METTL27: variants seen among roughly 807,000 people sequenced by gnomAD.
METTL27 encodes the protein methyltransferase-like protein 27.
METTL27 carries 29 observed loss-of-function variants against 24.5 expected under a neutral mutation model. That is an observed-to-expected ratio of 1.18 (90% CI 0.88 to 1.61). The LOEUF is 1.61. Among genes scored for constraint, METTL27 ranks in the 40% most tolerant of loss-of-function variants. The pLI is 0.00. For missense variants in METTL27, 341 were observed against 324.3 expected, an observed-to-expected ratio of 1.05 and a Z score of -0.40; for synonymous variants, 138 against 146.8, an observed-to-expected ratio of 0.94 and a Z score of 0.43.
At chr7:73,840,685 G>T (rs1400386340) in intron 3 of METTL27, 136 bp from the exon 4 acceptor site, 1 of 1,263,404 alleles carries the variant, frequency 7.9e-7, no homozygotes. Context: ...TTGAGACAAG[G>T]TCTCTCTCTG....
In METTL27 at chr7:73,834,729, C is replaced by G; in HGVS notation, c.*14G>C. On this transcript the variant is annotated 3_prime_UTR_variant, in exon 6 of 6. Transcript: ENST00000297873. ...CATGGAGTCAGGGGCCAGCTGGGGGCTGGGGGCTGGATCTCACTTCCTCAA... is the reference window on the plus strand; with the variant it reads ...CATGGAGTCAGGGGCCAGCTGGGGGGTGGGGGCTGGATCTCACTTCCTCAA... 6.2e-7 allele frequency: 1 copy of G among 1,609,228 alleles called. No individual in the cohort carries two copies. The highest frequency in any genetic ancestry group is 8.5e-7 in the Non-Finnish European group (1 of 1,177,426).
chr7:73,840,355 G>A, intron 4 of METTL27, 59 bp downstream of exon 4: 1 of 1,547,836 alleles, frequency 6.5e-7, no homozygotes, highest in Non-Finnish European at 8.7e-7. Context: ...TGGAGGATCA[G>A]CAAGGGAAAG....
At chr7:73,837,275 T>C (rs1342489057) in intron 5 of METTL27, among the ~76,000 whole-genome samples, 1 of 101,410 alleles carries the variant, frequency 9.9e-6, no homozygotes, top group African/African-American at 3.6e-5. Flanking sequence ...CCAAGAATTA[T>C]CAATAAAAAA....
chr7:73,837,845 AC>A (rs1380733775), intron 5 of METTL27, among the ~76,000 whole-genome samples: 1 of 147,926 alleles, frequency 6.8e-6, no homozygotes, highest in Middle Eastern at 3.5e-3. Context: ...GTGCCTGCCC[AC>A]CCCCCCTTTT....
At position 73,840,121 on chromosome 7, in the gene METTL27, C is replaced by CTG. The variant is rs375025208; in HGVS notation, c.389-3_389-2dup. On this transcript the variant is annotated splice_acceptor_variant, in intron 4 of 5. Transcript: ENST00000297873. LOFTEE classifies it high-confidence loss of function. ...ACTATCAGCACCGCGTCGAAGGTCC[C>CTG]TGTGTGTGTGTGGGGGGGGGTGGGG... 2,192 of 1,460,744 alleles carry CTG rather than the reference C, an allele frequency of 1.5e-3. 19 individuals carry two copies. In the Middle Eastern group the frequency reaches 0.018, roughly 12 times the overall value. 90.5% of individuals were successfully genotyped at this position (1,460,744 alleles called of 1,614,324 possible).
Position 73,835,000 on chromosome 7 carries a change from C to T in METTL27, c.481G>A (p.Gly161Arg), listed in dbSNP as rs150206550. Residue 161 changes from glycine to arginine, a missense_variant and splice_region_variant, in exon 6 of 6, where the codon GGG (glycine) becomes AGG (arginine). Transcript: ENST00000297873. ...IPELHVTKPG[G>R]LVCLTTRTNS... ...GTCCTGGTGGTCAGACACACCAGCC[C>T]ACCTGGGGGAGAGGGGTAGGTGAGG... 8.7e-6 allele frequency: 14 copies of T among 1,609,512 alleles called. No individual in the cohort carries two copies. In the African/African-American group the frequency reaches 9.4e-5, roughly 11 times the overall value.
intron 4 of METTL27, 31 bp downstream of exon 4, chr7:73,840,383 C>A: frequency 6.4e-7 from 1 of 1,554,134 alleles, no homozygotes; most frequent in Non-Finnish European, 8.7e-7. Flanking sequence ...TGAGGGTGGG[C>A]CTCGGGGTGT....
At position 73,834,750 on chromosome 7, in the gene METTL27, C is replaced by T; in HGVS notation, c.731G>A (p.Arg244Lys). 6.2e-7 allele frequency: 1 copy of T among 1,613,822 alleles called. No individual in the cohort carries two copies. ...GGGGCTGGGGGCTGGATCTCACTTC[C>T]TCAACCTGGGTCGCCTTCCACTTTC... ...CTESGRRPRL[R>K]K The change falls in exon 6 of 6, where the codon AGG (arginine) becomes AAG (lysine). Residue 244 changes from arginine to lysine, a missense_variant. By Grantham distance (26) the Arg-to-Lys change is conservative. Coordinates refer to ENST00000297873, the MANE Select transcript of METTL27 (RefSeq NM_152559.3).
intron 5 of METTL27, among the ~76,000 whole-genome samples, chr7:73,836,570 GGAAGT>G (rs1554635324): frequency 3.6e-4 from 2 of 5,502 alleles, no homozygotes; most frequent in Non-Finnish European, 8.5e-4. Flanking sequence ...CCCCCATCCG[GGAAGT>G]GAGGGGCGCC....
At chr7:73,835,492 G>C (rs1258499770) in intron 5 of METTL27, among the ~76,000 whole-genome samples, 8 of 143,418 alleles carry the variant, frequency 5.6e-5, no homozygotes, top group Non-Finnish European at 3.1e-5. Context: ...CGGGATTGCA[G>C]ATGGAGTCTC....
At chr7:73,836,720 C>T (rs1328778283) in intron 5 of METTL27, among the ~76,000 whole-genome samples, 1 of 73,216 alleles carries the variant, frequency 1.4e-5, no homozygotes, top group East Asian at 3.6e-4. Context: ...CGCCTCTGCC[C>T]GGCCGCCCCT....
chr7:73,835,232 T>C (rs1788134679), intron 5 of METTL27, among the ~76,000 whole-genome samples: 1 of 132,674 alleles, frequency 7.5e-6, no homozygotes. Context: ...CTCCCCACGG[T>C]CTCCCTCTCC....
chr7:73,841,450 C>G (rs1402285426), intron 2 of METTL27, among the ~76,000 whole-genome samples: 1 of 151,402 alleles, frequency 6.6e-6, no homozygotes, highest in African/African-American at 2.4e-5. Context: ...CCAAGCGGCT[C>G]TCTCTGCTGA....
chr7:73,840,482 T>G lies in METTL27; in HGVS notation c.320A>C (p.Gln107Pro), dbSNP rs13241921. ...GAGGCGCTGATAGAGGCCGGGGGCC[T>G]GGGCCTGTTCCAGCATCCCTGGGCT... is the stretch of plus-strand genomic sequence containing the variant. ...DGSPGMLEQA[Q>P]APGLYQRLSL... The change falls in exon 4 of 6, where the codon CAG becomes CCG. Residue 107 changes from glutamine to proline, a missense_variant. Gln to Pro is a moderately conservative substitution (Grantham distance 76). Coordinates refer to ENST00000297873, the MANE Select transcript of METTL27 (RefSeq NM_152559.3). The G allele has an allele frequency of 6.2e-7, 1 of 1,608,900 alleles. No individual in the cohort carries two copies. Among genetic ancestry groups the G allele is most frequent in the African/African-American group, 1.3e-5 (1 of 74,632 alleles).
At chr7:73,840,586 C>T in intron 3 of METTL27, 37 bp from the exon 4 acceptor site, 1 of 1,533,496 alleles carries the variant, frequency 6.5e-7, no homozygotes, top group East Asian at 2.3e-5. Context: ...ATGGTTCACA[C>T]CTGCCACTTC....
intron 5 of METTL27, 31 bp downstream of exon 5, chr7:73,840,000 G>A (rs1554635968): frequency 6.3e-7 from 1 of 1,585,544 alleles, no homozygotes; most frequent in Non-Finnish European, 8.6e-7. Flanking sequence ...GGTGACGGGG[G>A]TTGGGGGTGG....
intron 5 of METTL27, among the ~76,000 whole-genome samples, chr7:73,838,153 G>A (rs1788258924): frequency 6.6e-6 from 1 of 152,046 alleles, no homozygotes; most frequent in Non-Finnish European, 1.5e-5. Context: ...GTGCCTGGTG[G>A]GGAATTCTTG....
chr7:73,836,170 G>A (rs1330626768), intron 5 of METTL27, among the ~76,000 whole-genome samples: 37 of 131,128 alleles, frequency 2.8e-4, no homozygotes, highest in Non-Finnish European at 6.2e-4. Flanking sequence ...GCCCATCCGG[G>A]AGGGAGGTAG....
At chr7:73,836,425 G>A (rs1788198665) in intron 5 of METTL27, among the ~76,000 whole-genome samples, 2 of 140,480 alleles carry the variant, frequency 1.4e-5, no homozygotes, top group Admixed American at 6.9e-5. Flanking sequence ...CCCCCCGCCC[G>A]GCCAGCCGCC....
Sources: allele counts gnomAD v4.1 joint callset (sites outside exome capture counted in the v4.1 genomes callset), GRCh38; gene constraint gnomAD v4.1.1; transcripts MANE v1.5; gene names NCBI Gene and HGNC (gene_info 2026-07-23, HGNC 2026-07-21).